The following C5orf46 variants were observed in gnomAD, a reference collection of about 807,000 sequenced individuals.
C5orf46 encodes the protein chromosome 5 open reading frame 46.
In C5orf46, 9 loss-of-function variants were observed where a neutral mutation model predicts 8.9. The ratio of observed to expected loss-of-function variants is 1.01; its 90% CI spans 0.61 to 1.76. The LOEUF (loss-of-function observed/expected upper bound fraction) is 1.76, where lower values mean the gene tolerates loss of function less well. Ranked by LOEUF, C5orf46 falls within the 40% of genes most tolerant of loss-of-function variation. C5orf46 has a pLI of 0.00. For synonymous variants in C5orf46, 47 were observed against 41.4 expected, an observed-to-expected ratio of 1.14 and a Z score of -0.52; for missense variants, 98 against 107.8, an observed-to-expected ratio of 0.91 and a Z score of 0.40.
rs763273113 is a variant in C5orf46 at position 147,896,999 on chromosome 5, T to A, written c.258A>T (p.Ser86=). The A allele has an allele frequency of 2.0e-6, 3 of 1,509,204 alleles. No individual in the cohort carries two copies. Among genetic ancestry groups the A allele is most frequent in the Admixed American group, 1.8e-5 (1 of 54,054 alleles). The allele number at this position is 1,509,204 out of a possible 1,614,324, so 93.5% of individuals were successfully genotyped here. ...EFDDNEGKHS[S]K ...GAAAAATCACCTGAGGATGTCACTT[T>A]GATGAATGTTTTCCTTCATTATCAT... Residue 86 remains serine, a synonymous_variant, in exon 3 of 4, where the codon TCA becomes TCT. Transcript: ENST00000318315.
rs1005105673 is a variant in C5orf46 at position 147,892,723 on chromosome 5, A to G, written c.*226T>C. 1.3e-5 allele frequency: 2 copies of G among 152,206 alleles called. No individual in the cohort carries two copies. The highest frequency in any genetic ancestry group is 3.8e-4 in the East Asian group (2 of 5,196). 9.4% of individuals were successfully genotyped at this position (152,206 alleles called of 1,614,324 possible). ...GCAACACAAATCCTCTCCATCAACTATGTGATCCCAAAGCGCCATATTTAT... is the reference window on the plus strand; with the variant it reads ...GCAACACAAATCCTCTCCATCAACTGTGTGATCCCAAAGCGCCATATTTAT... On this transcript the variant is annotated 3_prime_UTR_variant, in exon 4 of 4. Transcript: ENST00000318315.
chr5:147,892,147 A>G (rs773566184), downstream of C5orf46, among the ~76,000 whole-genome samples: 2 of 152,228 alleles, frequency 1.3e-5, no homozygotes, highest in Non-Finnish European at 2.9e-5. Context: ...ACAGTAAACA[A>G]TTCTGGGAGA....
chr5:147,900,427 AT>A (rs1227098882), intron 2 of C5orf46, among the ~76,000 whole-genome samples: 1 of 152,184 alleles, frequency 6.6e-6, no homozygotes, highest in Non-Finnish European at 1.5e-5. Context: ...CCCTTTGAAA[AT>A]CTAATAGAAG....
downstream of C5orf46, among the ~76,000 whole-genome samples, chr5:147,890,852 G>T (rs1757493383): frequency 1.3e-5 from 2 of 152,184 alleles, no homozygotes. Context: ...ACATTGTAAA[G>T]AAATTTTTAA....
downstream of C5orf46, among the ~76,000 whole-genome samples, chr5:147,890,693 C>G (rs1757490082): frequency 6.6e-6 from 1 of 151,836 alleles, no homozygotes; most frequent in Non-Finnish European, 1.5e-5. Flanking sequence ...AATTTAGGCA[C>G]AGGGAAGAGG....
At chr5:147,896,680 G>C (rs1446960769) in intron 3 of C5orf46, among the ~76,000 whole-genome samples, 1 of 152,080 alleles carries the variant, frequency 6.6e-6, no homozygotes, top group Non-Finnish European at 1.5e-5. Context: ...GTGCGTGCTA[G>C]CCCCTCATTT....
rs1353635368 is a variant in C5orf46, at chr5:147,905,122, A to G, written c.70+1310T>C. Among the ~76,000 whole-genome samples, 4 of 152,094 alleles carry G rather than the reference A, an allele frequency of 2.6e-5. No individual in the cohort carries two copies. The East Asian group carries it at 7.7e-4, about 29-fold the overall frequency. On this transcript the variant is annotated intron_variant, in intron 1 of 3. Transcript: ENST00000318315. The stretch of plus-strand genomic sequence containing the variant: ...TATCCTAGAAACAATCTTCAAAGTC[A>G]ATAGTTTAATATTTTCTTTTTTCAA...
Position 147,906,418 on chromosome 5 carries a change from T to A in C5orf46, c.70+14A>T. On this transcript the variant is annotated intron_variant, in intron 1 of 3. Transcript: ENST00000318315. ...CTACTGAACAATTCATGGGCTGTGATCAGAAGCACTTACCTGCATAGCAGG... is the reference window on the plus strand; with the variant it reads ...CTACTGAACAATTCATGGGCTGTGAACAGAAGCACTTACCTGCATAGCAGG... 1 of 1,588,286 alleles carries A rather than the reference T, an allele frequency of 6.3e-7. No individual in the cohort carries two copies. The highest frequency in any genetic ancestry group is 1.1e-5 in the South Asian group (1 of 88,084).
chr5:147,904,225 A>G (rs775413641), intron 1 of C5orf46, among the ~76,000 whole-genome samples: 1 of 152,032 alleles, frequency 6.6e-6, no homozygotes, highest in Non-Finnish European at 1.5e-5. Flanking sequence ...CCTATCGTGC[A>G]GGTACTCCAT....
chr5:147,896,917 G>A (rs1334675181), intron 3 of C5orf46, 67 bp downstream of exon 3: 2 of 692,988 alleles, frequency 2.9e-6, no homozygotes, highest in Non-Finnish European at 4.6e-6. Flanking sequence ...AAATAAAACT[G>A]GACAGACTCT....
Position 147,901,722 on chromosome 5 carries a change from G to A in C5orf46, c.122C>T (p.Pro41Leu). ...TAGGAATTTGGGGAAGTCTGGCTTT[G>A]GGTCTTTGCCCGAGTCGTCTGGCTT... ...DDKPDDSGKD[P>L]KPDFPKFLSL... The change falls in exon 2 of 4, where the codon CCA becomes CTA. Residue 41 changes from proline (P) to leucine (L), a missense_variant. Pro to Leu is a moderately conservative substitution (Grantham distance 98). Transcript: ENST00000318315. The A allele has an allele frequency of 6.2e-7, 1 of 1,614,040 alleles. No homozygotes were observed. The highest frequency in any genetic ancestry group is 8.5e-7 in the Non-Finnish European group (1 of 1,179,988).
intron 2 of C5orf46, 75 bp from the exon 3 acceptor site, chr5:147,897,116 T>C (rs995460643): frequency 1.5e-6 from 1 of 648,368 alleles, no homozygotes; most frequent in Non-Finnish European, 2.6e-6. Context: ...TAAGGCGCTG[T>C]ATAATGTTTG....
chr5:147,905,912 A>G (rs1001639119), intron 1 of C5orf46, among the ~76,000 whole-genome samples: 1 of 152,236 alleles, frequency 6.6e-6, no homozygotes, highest in African/African-American at 2.4e-5. Context: ...TATTTATTGC[A>G]TGCTTACTAT....
At chr5:147,886,504 T>C (rs974983483) in intron 2 of C5orf46, 1 of 151,098 alleles carries the variant, frequency 6.6e-6, no homozygotes, top group South Asian at 2.1e-4. Context: ...TATATAATTA[T>C]ATACAACTAT....
chr5:147,888,539 A>G (rs1457029439), downstream of C5orf46, among the ~76,000 whole-genome samples: 1 of 152,152 alleles, frequency 6.6e-6, no homozygotes, highest in African/African-American at 2.4e-5. Context: ...CATTCACTCA[A>G]CTATAAATGC....
chr5:147,906,421 G>C lies in C5orf46; in HGVS notation c.70+11C>G. On this transcript the variant is annotated intron_variant, in intron 1 of 3. Transcript: ENST00000318315. ...CTGAACAATTCATGGGCTGTGATCA[G>C]AAGCACTTACCTGCATAGCAGGTCA... The C allele has an allele frequency of 6.3e-7, 1 of 1,593,152 alleles. No homozygotes were observed. The highest frequency in any genetic ancestry group is 2.2e-5 in the East Asian group (1 of 44,570).
At chr5:147,900,445 A>G (rs574771717) in intron 2 of C5orf46, among the ~76,000 whole-genome samples, 33 of 152,272 alleles carry the variant, frequency 2.2e-4, no homozygotes, top group African/African-American at 7.0e-4. Flanking sequence ...GAAGTCATGA[A>G]CACTTTCCCC....
intron 3 of C5orf46, among the ~76,000 whole-genome samples, chr5:147,896,694 A>G (rs888760465): frequency 2.0e-5 from 3 of 152,142 alleles, no homozygotes; most frequent in Admixed American, 6.6e-5. Context: ...CTCATTTCAC[A>G]GGCTGAACTT....
At chr5:147,889,470 T>C (rs1757470618), downstream of C5orf46, among the ~76,000 whole-genome samples, 1 of 152,136 alleles carries the variant, frequency 6.6e-6, no homozygotes, top group Non-Finnish European at 1.5e-5. Context: ...TGGTAACATA[T>C]GCCACTTTAA....
Sources: allele counts gnomAD v4.1 joint callset (sites outside exome capture counted in the v4.1 genomes callset), GRCh38; gene constraint gnomAD v4.1.1; transcripts MANE v1.5; gene names NCBI Gene and HGNC (gene_info 2026-07-23, HGNC 2026-07-21).